The following SCFD2 variants were observed in gnomAD, a reference collection of about 807,000 sequenced individuals.
SCFD2 encodes sec1 family domain-containing protein 2.
In SCFD2, 54 loss-of-function variants were observed where a neutral mutation model predicts 58.9. The ratio of observed to expected loss-of-function variants is 0.92; its 90% CI spans 0.74 to 1.15. SCFD2 has a LOEUF of 1.15. Ranked by LOEUF, SCFD2 falls within the 50% of genes most tolerant of loss-of-function variation. The pLI is 0.00. For missense variants in SCFD2, 805 were observed against 836.6 expected, an observed-to-expected ratio of 0.96 and a Z score of 0.47; for synonymous variants, 321 against 335.9, an observed-to-expected ratio of 0.96 and a Z score of 0.49.
chr4:53,035,097 A>C (rs1042055678), intron 5 of SCFD2, among the ~76,000 whole-genome samples: 1 of 152,216 alleles, frequency 6.6e-6, no homozygotes, highest in Non-Finnish European at 1.5e-5. Context: ...ACAGTAACCA[A>C]AACAGCATGG....
At chr4:53,145,655 T>C in intron 4 of SCFD2, 73 bp from the exon 5 acceptor site, 1 of 1,365,656 alleles carries the variant, frequency 7.3e-7, no homozygotes, top group Non-Finnish European at 1.0e-6. Context: ...ATTAGTCGAA[T>C]GATAGCTTTC....
At chr4:52,953,067 A>G (rs973800916) in intron 5 of SCFD2, among the ~76,000 whole-genome samples, 1 of 152,194 alleles carries the variant, frequency 6.6e-6, no homozygotes, top group African/African-American at 2.4e-5. Flanking sequence ...AGTATAAACA[A>G]ACGAATAACA....
chr4:53,094,028 A>C (rs1249730671), intron 5 of SCFD2, among the ~76,000 whole-genome samples: 2 of 152,168 alleles, frequency 1.3e-5, no homozygotes, highest in Non-Finnish European at 2.9e-5. Context: ...GGAAAGAAAC[A>C]CGAGACTTAA....
At chr4:52,918,610 T>C (rs972528952) in intron 6 of SCFD2, among the ~76,000 whole-genome samples, 1 of 152,208 alleles carries the variant, frequency 6.6e-6, no homozygotes, top group Non-Finnish European at 1.5e-5. Flanking sequence ...CATCCAATCC[T>C]ACCCATCCAC....
chr4:53,003,105 C>A (rs140673859), intron 5 of SCFD2, among the ~76,000 whole-genome samples: 1 of 152,232 alleles, frequency 6.6e-6, no homozygotes, highest in African/African-American at 2.4e-5. Flanking sequence ...ACCACCAACA[C>A]GGGATTACAA....
chr4:53,103,735 G>A (rs577290060), intron 5 of SCFD2, among the ~76,000 whole-genome samples: 2 of 122,670 alleles, frequency 1.6e-5, no homozygotes, highest in Non-Finnish European at 3.2e-5. Flanking sequence ...ATATACATGA[G>A]TCTGGGTCTT....
In SCFD2 at chr4:53,290,168, A is replaced by G. The variant is rs530756428; in HGVS notation, c.1136-16167T>C. ...GAACTTTCCATCTAACAGCAACAGA[A>G]TAATATTCTTTAGCACACATAAAAC... is the stretch of plus-strand genomic sequence containing the variant. On this transcript the variant is annotated intron_variant, in intron 3 of 8. Transcript: ENST00000401642. Among the ~76,000 whole-genome samples, 4 of 152,294 alleles carry G rather than the reference A, an allele frequency of 2.6e-5. 1 individual carries two copies. In the South Asian group the frequency reaches 8.3e-4, roughly 32 times the overall value.
chr4:53,345,750 T>C (rs1248170870), intron 2 of SCFD2, among the ~76,000 whole-genome samples: 1 of 152,180 alleles, frequency 6.6e-6, no homozygotes, highest in Non-Finnish European at 1.5e-5. Flanking sequence ...ATATACACCA[T>C]GGAATACTAT....
chr4:53,240,080 G>A (rs1035662852), intron 4 of SCFD2, among the ~76,000 whole-genome samples: 8 of 152,202 alleles, frequency 5.3e-5, no homozygotes, highest in African/African-American at 1.7e-4. Context: ...ACTACAACAA[G>A]TGAACAACTT....
intron 4 of SCFD2, among the ~76,000 whole-genome samples, chr4:53,157,594 T>C (rs1415074126): frequency 6.7e-6 from 1 of 150,366 alleles, no homozygotes; most frequent in Non-Finnish European, 1.5e-5. Context: ...TTTTCAAAAA[T>C]ATAAACAAAT....
At chr4:53,084,789 AT>A (rs1724257759) in intron 5 of SCFD2, among the ~76,000 whole-genome samples, 1 of 152,236 alleles carries the variant, frequency 6.6e-6, no homozygotes, top group Non-Finnish European at 1.5e-5. Flanking sequence ...GAAGAAAAAA[AT>A]ATGATCATTT....
chr4:53,244,982 T>C (rs1213777337), intron 4 of SCFD2, among the ~76,000 whole-genome samples: 1 of 151,990 alleles, frequency 6.6e-6, no homozygotes, highest in Non-Finnish European at 1.5e-5. Context: ...TGGACACCTC[T>C]ATGTACACAA....
intron 4 of SCFD2, among the ~76,000 whole-genome samples, chr4:53,243,697 A>G (rs1261528304): frequency 6.6e-6 from 1 of 151,334 alleles, no homozygotes; most frequent in African/African-American, 2.4e-5. Context: ...GCTGGAAAGA[A>G]AAAAAAAAGA....
intron 4 of SCFD2, among the ~76,000 whole-genome samples, chr4:53,175,964 A>G (rs1377880125): frequency 6.6e-6 from 1 of 152,178 alleles, no homozygotes; most frequent in African/African-American, 2.4e-5. Flanking sequence ...TATTGAGATG[A>G]TTCTTCTCCC....
At chr4:53,287,933 T>A (rs1731720427) in intron 3 of SCFD2, among the ~76,000 whole-genome samples, 1 of 151,920 alleles carries the variant, frequency 6.6e-6, no homozygotes, top group African/African-American at 2.4e-5. Context: ...GCTGCAGAAT[T>A]CAATGAATTA....
intron 4 of SCFD2, among the ~76,000 whole-genome samples, chr4:53,247,882 A>T (rs1277270524): frequency 6.6e-6 from 1 of 151,230 alleles, no homozygotes; most frequent in Non-Finnish European, 1.5e-5. Context: ...AAAAAAAAAA[A>T]AAAAAAAAAA....
chr4:53,301,798 T>G (rs866035325), intron 3 of SCFD2, among the ~76,000 whole-genome samples: 14 of 152,248 alleles, frequency 9.2e-5, no homozygotes, highest in Middle Eastern at 3.4e-3. Context: ...TGGTTCAACA[T>G]ACGAAAATCA....
At chr4:52,956,490 C>A (rs905733629) in intron 5 of SCFD2, 11 of 323,518 alleles carry the variant, frequency 3.4e-5, no homozygotes, top group African/African-American at 1.5e-4. Flanking sequence ...GACTTGGAAC[C>A]CACCAGGCCC....
chr4:53,064,570 A>G (rs1209876627), intron 5 of SCFD2, among the ~76,000 whole-genome samples: 6 of 152,176 alleles, frequency 3.9e-5, no homozygotes, highest in Non-Finnish European at 7.4e-5. Flanking sequence ...TCCAAGTAAC[A>G]GTCCTAGATC....
Sources: allele counts gnomAD v4.1 joint callset (sites outside exome capture counted in the v4.1 genomes callset), GRCh38; gene constraint gnomAD v4.1.1; transcripts MANE v1.5; gene names NCBI Gene and HGNC (gene_info 2026-07-23, HGNC 2026-07-21).